Variants in PHF19 observed in about 807,000 individuals in gnomAD.
PHF19 encodes PHD finger protein 19.
In PHF19, 21 loss-of-function variants were observed where a neutral mutation model predicts 79.8. The observed-to-expected ratio is 0.26, with a 90% confidence interval of 0.19 to 0.38. The LOEUF is 0.38. Ranked by LOEUF, PHF19 falls within the 10% of genes least tolerant of loss-of-function variation. The pLI is 1.00. For missense variants in PHF19, 445 were observed against 744.2 expected (o/e 0.60, Z 4.68); for synonymous variants, 273 against 296.3 (o/e 0.92, Z 0.81).
chr9:120,866,031 C>T lies in PHF19; in HGVS notation c.776G>A (p.Arg259Gln). ...GPEYIERLPLRWVDVVHLALY... is the reference protein window; with the variant it reads ...GPEYIERLPLQWVDVVHLALY... ...GGACTAAGCCCCACCCTCTCACCATCGCAGGGGCAGCCTCTCGATGTACTC... is the reference window on the plus strand; with the variant it reads ...GGACTAAGCCCCACCCTCTCACCATTGCAGGGGCAGCCTCTCGATGTACTC... The change falls in exon 8 of 15, where the codon CGA becomes CAA. Residue 259 changes from arginine (R) to glutamine (Q), a missense_variant. By Grantham distance (43) the Arg-to-Gln change is conservative (BLOSUM62 1). Around this residue, in one of 5 missense-constraint regions of PHF19, gnomAD observed 167 missense variants for 375.8 expected, o/e 0.44. Coordinates refer to ENST00000373896, the MANE Select transcript of PHF19 (RefSeq NM_015651.3). The surrounding 1 kb of genome is among the most constrained non-coding windows in gnomAD (Gnocchi z 5.2). The T allele has an allele frequency of 3.1e-6, 5 of 1,612,570 alleles. No individual in the cohort carries two copies. Among genetic ancestry groups the T allele is most frequent in the Non-Finnish European group, 4.2e-6 (5 of 1,178,722 alleles).
At position 120,858,153 on chromosome 9, in the gene PHF19, G is replaced by T; in HGVS notation, c.1534C>A (p.Arg512=). 6.2e-7 allele frequency: 1 copy of T among 1,613,288 alleles called. No homozygotes were observed. Among genetic ancestry groups the T allele is most frequent in the Non-Finnish European group, 8.5e-7 (1 of 1,179,346 alleles). The change falls in exon 15 of 15, where the codon CGG becomes AGG. Residue 512 remains arginine, a synonymous_variant. Transcript: ENST00000373896. ...SSAEGASVPE[R]PDEGIDSHTF... ...TGGCTGTCAATGCCTTCGTCTGGCCGCTCGGGGACTGAAGCCCCCTCTGCA... is the reference window on the plus strand; with the variant it reads ...TGGCTGTCAATGCCTTCGTCTGGCCTCTCGGGGACTGAAGCCCCCTCTGCA...
chr9:120,897,388 T>C (rs2046411378), upstream of PHF19, among the ~76,000 whole-genome samples: 1 of 152,146 alleles, frequency 6.6e-6, no homozygotes, highest in Non-Finnish European at 1.5e-5. Context: ...TGTGAAGATA[T>C]GTGGGTGTGT....
At position 120,869,042 on chromosome 9, in the gene PHF19, C is replaced by A. The variant is rs2045805323; in HGVS notation, c.614+140G>T. The A allele has an allele frequency of 1.1e-6, 1 of 924,940 alleles. No homozygotes were observed. Among genetic ancestry groups the A allele is most frequent in the Non-Finnish European group, 1.5e-6 (1 of 676,826 alleles). 57.3% of individuals were successfully genotyped at this position (924,940 alleles called of 1,614,324 possible). A position where few individuals can be genotyped will look rare whatever the true frequency, so the allele number is the denominator to read the frequency against. ...CAGGCCCGCCCCTCGAGGCCCCGCC[C>A]CCACAGCGCAACACACTGGGCCCGC... On this transcript the variant is annotated intron_variant, in intron 6 of 14. Transcript: ENST00000373896. The surrounding 1 kb of genome is among the most constrained non-coding windows in gnomAD (Gnocchi z 5.8).
chr9:120,880,937 G>A (rs1253513938), upstream of PHF19, among the ~76,000 whole-genome samples: 1 of 152,142 alleles, frequency 6.6e-6, no homozygotes, highest in Non-Finnish European at 1.5e-5. Context: ...TCCAGCCTGG[G>A]TGACAGAGAG....
intron 6 of PHF19, chr9:120,868,576 A>G (rs34475697): frequency 0.092 from 14,473 of 157,032 alleles, 851 homozygotes; most frequent in African/African-American, 0.16. Context: ...GTTTCCTACA[A>G]AGCTCCAAGG....
At chr9:120,883,632 C>T (rs932537171) in intron 1 of PHF19, among the ~76,000 whole-genome samples, 4 of 152,020 alleles carry the variant, frequency 2.6e-5, no homozygotes, top group African/African-American at 7.2e-5. Context: ...TGGTGGCATG[C>T]ACCTGTGGTC....
At chr9:120,881,633 TG>T (rs2046186852), upstream of PHF19, among the ~76,000 whole-genome samples, 1 of 152,092 alleles carries the variant, frequency 6.6e-6, no homozygotes. Context: ...ATTTTAAAGG[TG>T]GGAGGGGCAG....
chr9:120,872,037 C>CAGAAAA (rs1491425777), intron 3 of PHF19, among the ~76,000 whole-genome samples: 26 of 30,322 alleles, frequency 8.6e-4, no homozygotes, highest in African/African-American at 2.9e-3. Context: ...GACTCTGTCT[C>CAGAAAA]AAAAAAAAAA....
chr9:120,877,205 G>C, upstream of PHF19: 1 of 981,344 alleles, frequency 1.0e-6, no homozygotes, highest in Non-Finnish European at 1.2e-6. Flanking sequence ...CCGTGGGGCC[G>C]GGGTCGGGGT....
At chr9:120,861,580 G>C (rs1025017147) in intron 12 of PHF19, among the ~76,000 whole-genome samples, 1 of 152,194 alleles carries the variant, frequency 6.6e-6, no homozygotes, top group African/African-American at 2.4e-5. Flanking sequence ...AAGGAGGAAA[G>C]AAAGTGCTCT....
chr9:120,873,133 T>C (rs2045953232), intron 3 of PHF19, among the ~76,000 whole-genome samples: 1 of 152,244 alleles, frequency 6.6e-6, no homozygotes, highest in East Asian at 1.9e-4. Flanking sequence ...GTCCAAGGTC[T>C]ACCTGACCCT....
chr9:120,859,231 CTT>C (rs59695692), intron 14 of PHF19, among the ~76,000 whole-genome samples: 8 of 104,994 alleles, frequency 7.6e-5, no homozygotes, highest in South Asian at 3.7e-4. Context: ...TACCATTGTC[CTT>C]TTTTTTTTTT....
At position 120,874,715 on chromosome 9, in the gene PHF19, C is replaced by T. The variant is rs2045998595; in HGVS notation, c.27G>A (p.Gly9=). The stretch of plus-strand genomic sequence containing the variant: ...TGGTGGCACCATAGGAGTCCCGAGT[C>T]CCTGGATCCAGAGCTCGATTCTCCA... MENRALDP[G]TRDSYGATSH... The change falls in exon 2 of 15, where the codon GGG becomes GGA. Residue 9 remains glycine (G), a synonymous_variant. Coordinates refer to ENST00000373896, the MANE Select transcript of PHF19 (RefSeq NM_015651.3). The surrounding 1 kb of genome is among the most constrained non-coding windows in gnomAD (Gnocchi z 4.5). 1 of 1,613,594 alleles carries T rather than the reference C, an allele frequency of 6.2e-7. No homozygotes were observed. The highest frequency in any genetic ancestry group is 1.3e-5 in the African/African-American group (1 of 74,922).
upstream of PHF19, among the ~76,000 whole-genome samples, chr9:120,899,299 C>G (rs2046423169): frequency 6.6e-6 from 1 of 151,662 alleles, no homozygotes; most frequent in Non-Finnish European, 1.5e-5. Flanking sequence ...GAGATCCAGA[C>G]CATCCTGGCT....
chr9:120,862,863 C>A lies in PHF19; in HGVS notation c.969-114G>T. 1 of 1,003,474 alleles carries A rather than the reference C, an allele frequency of 1.0e-6. No individual in the cohort carries two copies. 62.2% of individuals were successfully genotyped at this position (1,003,474 alleles called of 1,614,324 possible). ...GCCTCCTTGGACCCAGAGCTAAAAT[C>A]CGGATGGTCTCTGCAGATGCTGACT... is the stretch of plus-strand genomic sequence containing the variant. On this transcript the variant is annotated intron_variant, in intron 10 of 14. Transcript: ENST00000373896. This position sits in a 1 kb window ranked among gnomAD's most constrained non-coding sequence, Gnocchi z 4.6.
In PHF19 at chr9:120,874,376, T is replaced by C. The variant is rs1379602794; in HGVS notation, c.186+180A>G. On this transcript the variant is annotated intron_variant, in intron 2 of 14. Transcript: ENST00000373896. This position sits in a 1 kb window ranked among gnomAD's most constrained non-coding sequence, Gnocchi z 4.5. Reference sequence around the variant, plus strand: ...TTCTAAAGAACTAGTTGGATGATGTTGACCCTAGGGATGGTGCCTGCAAGA... The same window carrying C: ...TTCTAAAGAACTAGTTGGATGATGTCGACCCTAGGGATGGTGCCTGCAAGA... Among the ~76,000 whole-genome samples the C allele has an allele frequency of 6.6e-6, 1 of 152,178 alleles. No individual in the cohort carries two copies. Among genetic ancestry groups the C allele is most frequent in the Non-Finnish European group, 1.5e-5 (1 of 68,022 alleles).
At chr9:120,865,408 C>A (rs2045669908) in intron 9 of PHF19, among the ~76,000 whole-genome samples, 5 of 152,244 alleles carry the variant, frequency 3.3e-5, no homozygotes, top group Admixed American at 3.3e-4. Flanking sequence ...GGCAGACCCA[C>A]TCCATGTTGC....
Position 120,856,065 on chromosome 9 carries a change from C to T in PHF19, c.*1879G>A, listed in dbSNP as rs1026362719. On this transcript the variant is annotated 3_prime_UTR_variant, in exon 15 of 15. Transcript: ENST00000373896. ...ACAAATTGGATCCCAGTTCCCACAG[C>T]ACCCCTGGGCTAGGGGTTGGCTTCT... The T allele has an allele frequency of 1.3e-5, 2 of 152,678 alleles. No homozygotes were observed. The highest frequency in any genetic ancestry group is 6.5e-5 in the Admixed American group (1 of 15,292). 9.5% of individuals were successfully genotyped at this position (152,678 alleles called of 1,614,324 possible).
rs181010377 is a variant in PHF19 at position 120,870,229 on chromosome 9, C to A, written c.364+214G>T. 6.6e-6 allele frequency among the ~76,000 whole-genome samples: 1 copy of A among 152,260 alleles called. No individual in the cohort carries two copies. Among genetic ancestry groups the A allele is most frequent in the East Asian group, 1.9e-4 (1 of 5,182 alleles). On this transcript the variant is annotated intron_variant, in intron 4 of 14. Transcript: ENST00000373896. The surrounding 1 kb of genome is among the most constrained non-coding windows in gnomAD (Gnocchi z 4.4). ...CACCCATCCTCTCCATCTAGCTGGG[C>A]CCCAAATTACATACACCATCATACC...
Sources: allele counts gnomAD v4.1 joint callset (sites outside exome capture counted in the v4.1 genomes callset), GRCh38; gene constraint gnomAD v4.1.1; regional missense constraint gnomAD v4.1.1; non-coding constraint Gnocchi (gnomAD v3.1); transcripts MANE v1.5; gene names NCBI Gene and HGNC (gene_info 2026-07-23, HGNC 2026-07-21).